Variants in LYST observed in about 807,000 individuals in gnomAD.
LYST encodes the protein lysosomal trafficking regulator.
LYST carries 192 observed loss-of-function variants against 413.6 expected under a neutral mutation model. The ratio of observed to expected loss-of-function variants is 0.46; its 90% CI spans 0.41 to 0.52. The LOEUF (loss-of-function observed/expected upper bound fraction) is 0.52, where lower values mean the gene tolerates loss of function less well. LYST is among the 20% of genes least tolerant of loss of function. The pLI is 0.00. For synonymous variants in LYST, 1,525 were observed against 1,567.3 expected, an observed-to-expected ratio of 0.97 and a Z score of 0.64; for missense variants, 3,815 against 4,499.9, an observed-to-expected ratio of 0.85 and a Z score of 4.35.
At chr1:235,760,185 G>T (rs1423232813) in intron 22 of LYST, among the ~76,000 whole-genome samples, 1 of 152,024 alleles carries the variant, frequency 6.6e-6, no homozygotes, top group East Asian at 1.9e-4. Flanking sequence ...ATAGTGAAGT[G>T]GTCCAAGGTA....
At chr1:235,847,127 G>A (rs1454972018) in intron 1 of LYST, among the ~76,000 whole-genome samples, 1 of 152,162 alleles carries the variant, frequency 6.6e-6, no homozygotes, top group Non-Finnish European at 1.5e-5. Context: ...CTGTGAAACA[G>A]TAGTACCAGG....
At chr1:235,880,269 AT>A (rs1189364092) in intron 1 of LYST, among the ~76,000 whole-genome samples, 1 of 152,246 alleles carries the variant, frequency 6.6e-6, no homozygotes, top group Non-Finnish European at 1.5e-5. Context: ...TTAGCAATAT[AT>A]GTGAAAAAAA....
At chr1:235,739,656 G>A (rs1225421963) in intron 31 of LYST, among the ~76,000 whole-genome samples, 1 of 151,526 alleles carries the variant, frequency 6.6e-6, no homozygotes, top group African/African-American at 2.4e-5. Flanking sequence ...TAGTTGACAA[G>A]GGAAAGTTCT....
At chr1:235,784,370 A>G (rs557089239) in intron 14 of LYST, among the ~76,000 whole-genome samples, 6 of 152,354 alleles carry the variant, frequency 3.9e-5, no homozygotes, top group African/African-American at 1.4e-4. Flanking sequence ...TGATATGTGA[A>G]TCAAGTGACC....
At position 235,791,933 on chromosome 1, in the gene LYST, C is replaced by T; in HGVS notation, c.4309G>A (p.Glu1437Lys). ...RRARVSRSKK[E>K]ADRESFPHRL... Reference sequence around the variant, plus strand: ...TGGGGAAAACTCTCTCTATCAGCCTCTTTCTTGCTCCGTGAAACTCGTGCT... The same window carrying T: ...TGGGGAAAACTCTCTCTATCAGCCTTTTTCTTGCTCCGTGAAACTCGTGCT... The change falls in exon 12 of 53, where the codon GAG (glutamate) becomes AAG (lysine). Residue 1437 changes from glutamate (E) to lysine (K), a missense_variant. Transcript: ENST00000389793. 6 of 1,614,146 alleles carry T rather than the reference C, an allele frequency of 3.7e-6. No individual in the cohort carries two copies. The highest frequency in any genetic ancestry group is 1.7e-4 in the Middle Eastern group (1 of 6,060).
intron 38 of LYST, among the ~76,000 whole-genome samples, chr1:235,727,105 C>T (rs1245067822): frequency 6.6e-6 from 1 of 150,892 alleles, no homozygotes; most frequent in Non-Finnish European, 1.5e-5. Flanking sequence ...CATGTTTTCA[C>T]TCACTACTTT....
At chr1:235,684,680 G>A (rs56381975) in intron 48 of LYST, among the ~76,000 whole-genome samples, 7,819 of 152,132 alleles carry the variant, frequency 0.051, 631 homozygotes, top group African/African-American at 0.17. Context: ...CAGTGGTGTG[G>A]TCACGGCTTA....
chr1:235,840,484 T>C (rs1677091757), intron 1 of LYST, among the ~76,000 whole-genome samples: 1 of 152,192 alleles, frequency 6.6e-6, no homozygotes, highest in African/African-American at 2.4e-5. Flanking sequence ...CTTTAATCTA[T>C]TGGCTAGTGA....
At chr1:235,779,248 C>T (rs1432855944) in intron 16 of LYST, among the ~76,000 whole-genome samples, 1 of 152,164 alleles carries the variant, frequency 6.6e-6, no homozygotes, top group East Asian at 1.9e-4. Context: ...AATTTGCTCT[C>T]TAAAAATAGT....
At chr1:235,784,804 T>C (rs1246455312) in intron 14 of LYST, among the ~76,000 whole-genome samples, 2 of 152,206 alleles carry the variant, frequency 1.3e-5, no homozygotes, top group Admixed American at 1.3e-4. Flanking sequence ...CTCCATCTGA[T>C]TTAACTATAG....
chr1:235,856,979 CTT>C (rs766083348), intron 1 of LYST, among the ~76,000 whole-genome samples: 104 of 133,926 alleles, frequency 7.8e-4, no homozygotes, highest in African/African-American at 2.5e-3. Context: ...AAATCTCACT[CTT>C]GTCGCCCAGG....
At chr1:235,824,534 G>A (rs137903712) in intron 3 of LYST, among the ~76,000 whole-genome samples, 173 of 152,194 alleles carry the variant, frequency 1.1e-3, no homozygotes, top group Admixed American at 1.6e-3. Flanking sequence ...TAGTTGATAC[G>A]GGTGCCAAGA....
In LYST at chr1:235,801,020, C is replaced by T. The variant is rs1273991320; in HGVS notation, c.3790G>A (p.Gly1264Arg). ...PNDLLENLTQ[G>R]EIIYPEICML... ...CAAATCTCAGGATAAATTATTTCCCCTTGAGTGAGGTTTTCGAGTAAGTCA... is the reference window on the plus strand; with the variant it reads ...CAAATCTCAGGATAAATTATTTCCCTTTGAGTGAGGTTTTCGAGTAAGTCA... The change falls in exon 9 of 53, where the codon GGG becomes AGG. Residue 1264 changes from glycine to arginine, a missense_variant. Transcript: ENST00000389793. 1 of 1,613,630 alleles carries T rather than the reference C, an allele frequency of 6.2e-7. No individual in the cohort carries two copies. Among genetic ancestry groups the T allele is most frequent in the Non-Finnish European group, 8.5e-7 (1 of 1,179,800 alleles).
At chr1:235,704,209 G>A (rs1443777393) in intron 44 of LYST, among the ~76,000 whole-genome samples, 1 of 152,142 alleles carries the variant, frequency 6.6e-6, no homozygotes, top group Non-Finnish European at 1.5e-5. Flanking sequence ...TAGTGCTGCA[G>A]TGAACATTCA....
chr1:235,697,805 T>C (rs1455958809), intron 45 of LYST, among the ~76,000 whole-genome samples: 2 of 152,134 alleles, frequency 1.3e-5, no homozygotes, highest in Non-Finnish European at 1.5e-5. Context: ...TGTTTATCTA[T>C]GGAACATATT....
intron 45 of LYST, among the ~76,000 whole-genome samples, chr1:235,700,300 T>C (rs111745565): frequency 0.044 from 6,677 of 152,100 alleles, 505 homozygotes; most frequent in African/African-American, 0.15. Flanking sequence ...AAGCAACCTA[T>C]AGAATGGGAG....
Position 235,758,882 on chromosome 1 carries a change from T to A in LYST, c.6881+90A>T, listed in dbSNP as rs940537249. The A allele has an allele frequency of 8.4e-6, 9 of 1,076,786 alleles. No individual in the cohort carries two copies. In the Admixed American group the frequency reaches 1.6e-4, roughly 19 times the overall value. The allele number at this position is 1,076,786 out of a possible 1,614,324, so 66.7% of individuals were successfully genotyped here. On this transcript the variant is annotated intron_variant, in intron 23 of 52. Coordinates refer to ENST00000389793, the MANE Select transcript of LYST (RefSeq NM_000081.4). ...ACTTTTCTGTTTGTTGTATTATAAG[T>A]GGCATAATGAAGACGTTTCCAGAGG...
intron 30 of LYST, 142 bp from the exon 31 acceptor site, chr1:235,741,770 C>G: frequency 4.3e-6 from 3 of 692,776 alleles, no homozygotes; most frequent in Non-Finnish European, 7.8e-6. Flanking sequence ...AAGAGATATA[C>G]ATATCCATAC....
Position 235,674,005 on chromosome 1 carries a change from T to C in LYST, c.11038+3086A>G, listed in dbSNP as rs1659177351. Among the ~76,000 whole-genome samples the C allele has an allele frequency of 6.6e-6, 1 of 152,146 alleles. No homozygotes were observed. Among genetic ancestry groups the C allele is most frequent in the Non-Finnish European group, 1.5e-5 (1 of 68,026 alleles). ...GGATGGTCCTCCGACCCACAGAATATGAACTGCATAGCAGCTCTCTTCCAA... is the reference window on the plus strand; with the variant it reads ...GGATGGTCCTCCGACCCACAGAATACGAACTGCATAGCAGCTCTCTTCCAA... On this transcript the variant is annotated intron_variant, in intron 50 of 52. Transcript: ENST00000389793. The surrounding 1 kb of genome is among the most constrained non-coding windows in gnomAD (Gnocchi z 4.1).
Sources: allele counts gnomAD v4.1 joint callset (sites outside exome capture counted in the v4.1 genomes callset), GRCh38; gene constraint gnomAD v4.1.1; non-coding constraint Gnocchi (gnomAD v3.1); transcripts MANE v1.5; gene names NCBI Gene and HGNC (gene_info 2026-07-23, HGNC 2026-07-21).